EEF2K: variants seen among roughly 807,000 people sequenced by gnomAD.
EEF2K encodes the protein alternative protein EEF2K.
A neutral mutation model predicts 93.8 loss-of-function variants in EEF2K; 70 were observed. The observed-to-expected ratio is 0.75, with a 90% CI of 0.62 to 0.91. The LOEUF (loss-of-function observed/expected upper bound fraction) is 0.91, where lower values mean the gene tolerates loss of function less well. Among genes scored for constraint, EEF2K ranks in the 40% least tolerant of loss-of-function variants. The pLI is 0.00. For synonymous variants in EEF2K, 376 were observed against 380.8 expected, an observed-to-expected ratio of 0.99 and a Z score of 0.15; for missense variants, 935 against 972.9, an observed-to-expected ratio of 0.96 and a Z score of 0.52.
chr16:22,268,830 G>A (rs781587105), intron 15 of EEF2K, among the ~76,000 whole-genome samples: 2 of 151,580 alleles, frequency 1.3e-5, no homozygotes, highest in African/African-American at 2.4e-5. Context: ...GGTGGCATGC[G>A]CCTGTAATCC....
At position 22,288,024 on chromosome 16, in the gene EEF2K, CTG is replaced by C. The variant is rs1399828091; in HGVS notation, c.*4030_*4031del. On this transcript the variant is annotated 3_prime_UTR_variant, in exon 18 of 18. Coordinates refer to ENST00000263026, the MANE Select transcript of EEF2K (RefSeq NM_013302.5). ...TTTTTTTTTGAGGTGGAGTCTCGCT[CTG>C]TTGCCCAGATTCAAGTGCAATGGCA... 3 of 144,978 alleles carry C rather than the reference CTG, an allele frequency of 2.1e-5. No individual in the cohort carries two copies. Among genetic ancestry groups the C allele is most frequent in the African/African-American group, 7.7e-5 (3 of 39,066 alleles). The allele number at this position is 144,978 out of a possible 1,614,324, so 9.0% of individuals were successfully genotyped here. A position where few individuals can be genotyped will look rare whatever the true frequency, so the allele number is the denominator to read the frequency against.
Position 22,284,274 on chromosome 16 carries a change from T to C in EEF2K, c.*278T>C, listed in dbSNP as rs751386838. The C allele has an allele frequency of 2.7e-6, 1 of 372,788 alleles. No individual in the cohort carries two copies. The highest frequency in any genetic ancestry group is 5.3e-5 in the East Asian group (1 of 18,962). The allele number at this position is 372,788 out of a possible 1,614,324, so 23.1% of individuals were successfully genotyped here. The stretch of plus-strand genomic sequence containing the variant: ...AACATACCGTTTTGTGTGTGGTTTT[T>C]TTTGTTTGTTTGTTTGTTTGTTTTG... On this transcript the variant is annotated 3_prime_UTR_variant, in exon 18 of 18. Transcript: ENST00000263026.
intron 17 of EEF2K, among the ~76,000 whole-genome samples, chr16:22,281,709 T>C (rs1322585517): frequency 6.6e-6 from 1 of 152,238 alleles, no homozygotes; most frequent in Non-Finnish European, 1.5e-5. Context: ...GGAGATTTTA[T>C]ATAACTGGGA....
intron 2 of EEF2K, among the ~76,000 whole-genome samples, chr16:22,228,345 T>C (rs8057830): frequency 0.42 from 64,311 of 151,974 alleles, 15,537 homozygotes; most frequent in East Asian, 0.88. Flanking sequence ...TACTGTGGGC[T>C]GGGCGCGACG....
chr16:22,263,743 A>G (rs139461057), intron 12 of EEF2K, among the ~76,000 whole-genome samples: 2 of 152,292 alleles, frequency 1.3e-5, no homozygotes, highest in Non-Finnish European at 2.9e-5. Flanking sequence ...TCTTATGGTG[A>G]AGTGGGAGTC....
chr16:22,263,675 G>GCAAAGAA (rs2047488900), intron 12 of EEF2K, among the ~76,000 whole-genome samples: 2 of 152,202 alleles, frequency 1.3e-5, no homozygotes, highest in Non-Finnish European at 2.9e-5. Context: ...AGGATCATGT[G>GCAAAGAA]GACCAGTAAC....
chr16:22,254,135 A>G (rs1350353153), intron 6 of EEF2K, among the ~76,000 whole-genome samples: 1 of 151,912 alleles, frequency 6.6e-6, no homozygotes, highest in East Asian at 1.9e-4. Flanking sequence ...AACAATAATA[A>G]TAATAATAAT....
chr16:22,251,968 AT>A lies in EEF2K; in HGVS notation c.618+650del, dbSNP rs533108777. Among the ~76,000 whole-genome samples, 300 of 150,518 alleles carry A rather than the reference AT, an allele frequency of 2.0e-3. 1 individual carries two copies. Among genetic ancestry groups the A allele is most frequent in the African/African-American group, 7.1e-3 (290 of 40,846 alleles). On this transcript the variant is annotated intron_variant, in intron 6 of 17. Coordinates refer to ENST00000263026, the MANE Select transcript of EEF2K (RefSeq NM_013302.5). ...GCCACCATGCCTAGCTAATTTTTGT[AT>A]TTTCTGTAGAGAAAGGGTTTTGCCA...
chr16:22,266,685 C>T lies in EEF2K; in HGVS notation c.1576-3C>T, dbSNP rs776710515. 1.2e-6 allele frequency: 2 copies of T among 1,605,170 alleles called. No homozygotes were observed. The highest frequency in any genetic ancestry group is 2.7e-5 in the African/African-American group (2 of 74,864). Reference sequence around the variant, plus strand: ...CAGGCCGACACCGTAGTCTGTGTGGCAGGTCCATCTGGCCATGGTGCGCTA... The same window carrying T: ...CAGGCCGACACCGTAGTCTGTGTGGTAGGTCCATCTGGCCATGGTGCGCTA... On this transcript the variant is annotated splice_polypyrimidine_tract_variant and splice_region_variant and intron_variant, in intron 14 of 17. Coordinates refer to ENST00000263026, the MANE Select transcript of EEF2K (RefSeq NM_013302.5).
chr16:22,273,490 C>G, intron 15 of EEF2K, 136 bp from the exon 16 acceptor site: 1 of 1,300,914 alleles, frequency 7.7e-7, no homozygotes, highest in Non-Finnish European at 1.1e-6. Context: ...CAAGTGCCCC[C>G]TCCTATCTCA....
At chr16:22,260,348 CTTAA>C in intron 10 of EEF2K, 110 bp from the exon 11 acceptor site, 1 of 980,122 alleles carries the variant, frequency 1.0e-6, no homozygotes, top group African/African-American at 2.0e-5. Flanking sequence ...TTCTTTAAAG[CTTAA>C]AAAAAAAAAA....
intron 1 of EEF2K, among the ~76,000 whole-genome samples, chr16:22,225,022 G>A (rs2047049488): frequency 6.6e-6 from 1 of 152,076 alleles, no homozygotes; most frequent in Non-Finnish European, 1.5e-5. Context: ...GATTGGATAT[G>A]CATGTTGGGT....
At chr16:22,231,191 C>T (rs1234357327) in intron 2 of EEF2K, among the ~76,000 whole-genome samples, 1 of 151,242 alleles carries the variant, frequency 6.6e-6, no homozygotes, top group Non-Finnish European at 1.5e-5. Context: ...CAGGTTGAAG[C>T]AATTCTCCTG....
intron 6 of EEF2K, among the ~76,000 whole-genome samples, chr16:22,254,795 A>G (rs949855773): frequency 6.6e-6 from 1 of 152,148 alleles, no homozygotes. Flanking sequence ...TGCCAGGCAC[A>G]GTGGCTCATG....
intron 1 of EEF2K, among the ~76,000 whole-genome samples, chr16:22,217,720 T>C (rs898511512): frequency 6.6e-5 from 10 of 152,146 alleles, no homozygotes; most frequent in African/African-American, 2.2e-4. Flanking sequence ...TCCAAAGTGT[T>C]GAGATTACAG....
chr16:22,269,440 C>CA lies in EEF2K; in HGVS notation c.1764+2565dup, dbSNP rs531052273. 2.5e-4 allele frequency among the ~76,000 whole-genome samples: 38 copies of CA among 151,908 alleles called. No homozygotes were observed. In the East Asian group the frequency reaches 4.4e-3, roughly 18 times the overall value. On this transcript the variant is annotated intron_variant, in intron 15 of 17. Transcript: ENST00000263026. ...TTTTTTTTTTTCAGTCTTGCTCTGT[C>CA]ATCCAGGCTGGAGTGCACTGGCAGG...
chr16:22,219,499 C>T (rs2046991995), intron 1 of EEF2K, among the ~76,000 whole-genome samples: 1 of 152,132 alleles, frequency 6.6e-6, no homozygotes. Context: ...CATAGTGACA[C>T]ACACCTGTAG....
chr16:22,249,956 A>G lies in EEF2K; in HGVS notation c.409-698A>G, dbSNP rs1013514453. The stretch of plus-strand genomic sequence containing the variant: ...ACCATCACGCCCAGCCAATTTTTCT[A>G]TTTTTAGTAGAGACAGGGTTTCTCC... On this transcript the variant is annotated intron_variant, in intron 4 of 17. Transcript: ENST00000263026. Among the ~76,000 whole-genome samples the G allele has an allele frequency of 4.0e-5, 6 of 151,450 alleles. No homozygotes were observed. The East Asian group carries it at 9.7e-4, about 24-fold the overall frequency.
chr16:22,269,989 G>A (rs1483192879), intron 15 of EEF2K, among the ~76,000 whole-genome samples: 1 of 148,260 alleles, frequency 6.7e-6, no homozygotes, highest in Non-Finnish European at 1.5e-5. Flanking sequence ...ACAGAATCTC[G>A]CTCTGTCACC....
Sources: gnomAD v4.1 joint callset for allele counts (sites outside exome capture counted in the v4.1 genomes callset) on GRCh38, gnomAD v4.1.1 for gene constraint, MANE v1.5 for transcripts, NCBI Gene and HGNC (gene_info 2026-07-23, HGNC 2026-07-21) for gene names.